SACS: variants seen among roughly 807,000 people sequenced by gnomAD.
The protein encoded by SACS is sacsin molecular chaperone, also known as sacsin.
In SACS, 197 loss-of-function variants were observed where a neutral mutation model predicts 348.0. The observed-to-expected ratio is 0.57, with a 90% CI of 0.50 to 0.64. The LOEUF is 0.64. Ranked by LOEUF, SACS falls within the 30% of genes least tolerant of loss-of-function variation. The pLI is 0.00. For missense variants in SACS, 4,999 were observed against 5,360.8 expected (o/e 0.93, Z 2.11); for synonymous variants, 1,985 against 1,910.6 (o/e 1.04, Z -1.02).
chr13:23,373,797 C>CA (rs35129279), intron 3 of SACS: 96,296 of 121,130 alleles, frequency 0.79, 38,632 homozygotes, highest in East Asian at 0.86. Context: ...CTCCGTCTCA[C>CA]AAAAAAAAAA....
At position 23,334,851 on chromosome 13, in the gene SACS, C is replaced by T. The variant is rs1404298680; in HGVS notation, c.9025G>A (p.Ala3009Thr). The T allele has an allele frequency of 1.9e-6, 3 of 1,613,706 alleles. No homozygotes were observed. The highest frequency in any genetic ancestry group is 2.5e-6 in the Non-Finnish European group (3 of 1,179,862). ...PNIDGSDLHS[A>T]VIITWINMST... ...ATATTGATCCAAGTAATTATAACTG[C>T]AGAGTGCAAGTCAGAGCCATCAATA... The change falls in exon 10 of 10, where the codon GCA (alanine) becomes ACA (threonine). Residue 3009 changes from alanine to threonine, a missense_variant. By Grantham distance (58) the Ala-to-Thr change is moderately conservative. Coordinates refer to ENST00000382292, the MANE Select transcript of SACS (RefSeq NM_014363.6).
In SACS at chr13:23,339,812, T is replaced by C. The variant is rs139012356; in HGVS notation, c.4064A>G (p.Asn1355Ser). Reference sequence around the variant, plus strand: ...GATAATATTCAACATAAGATGAAGATTTTGTTTGCTTTCTTGTTCACTGAG... The same window carrying C: ...GATAATATTCAACATAAGATGAAGACTTTGTTTGCTTTCTTGTTCACTGAG... ...QDLSEQESKQ[N>S]LHLMLNIIRW... Residue 1355 changes from asparagine to serine, a missense_variant, in exon 10 of 10, where the codon AAT becomes AGT. Around this residue, in one of 6 missense-constraint regions of SACS, gnomAD observed 3,156 missense variants for 3,380.1 expected, o/e 0.93. Transcript: ENST00000382292. 5.6e-6 allele frequency: 9 copies of C among 1,613,034 alleles called. No homozygotes were observed. The highest frequency in any genetic ancestry group is 7.6e-6 in the Non-Finnish European group (9 of 1,179,530).
Position 23,332,428 on chromosome 13 carries a change from T to G in SACS, c.11448A>C (p.Glu3816Asp), listed in dbSNP as rs1479118817. 3 of 1,614,008 alleles carry G rather than the reference T, an allele frequency of 1.9e-6. No individual in the cohort carries two copies. The highest frequency in any genetic ancestry group is 2.2e-5 in the South Asian group (2 of 91,076). Reference sequence around the variant, plus strand: ...AATAAGGTTTAAAATCAGATTCATATTCTAGGTTTATGACTACCTCCTCAG... The same window carrying G: ...AATAAGGTTTAAAATCAGATTCATAGTCTAGGTTTATGACTACCTCCTCAG... The part of the protein sequence containing the change: ...LKPEEVVINL[E>D]YESDFKPYLY... The change falls in exon 10 of 10, where the codon GAA (glutamate) becomes GAC (aspartate). Residue 3816 changes from glutamate (E) to aspartate (D), a missense_variant. Transcript: ENST00000382292.
rs1883365992 is a variant in SACS, at chr13:23,330,012, T to C, written c.*124A>G. The C allele has an allele frequency of 2.3e-6, 2 of 887,960 alleles. No individual in the cohort carries two copies. The highest frequency in any genetic ancestry group is 1.5e-5 in the South Asian group (1 of 64,864). The allele number at this position is 887,960 out of a possible 1,614,324, so 55.0% of individuals were successfully genotyped here. ...CATGTTCATAACAACTCCAGAATTCTCCAAGAACAATCTGCAATGTGCTTA... is the reference window on the plus strand; with the variant it reads ...CATGTTCATAACAACTCCAGAATTCCCCAAGAACAATCTGCAATGTGCTTA... On this transcript the variant is annotated 3_prime_UTR_variant, in exon 10 of 10. Transcript: ENST00000382292.
rs115280298 is a variant in SACS at position 23,404,794 on chromosome 13, G to A, written c.20+6426C>T. Among the ~76,000 whole-genome samples the A allele has an allele frequency of 3.7e-4, 57 of 152,178 alleles. No individual in the cohort carries two copies. In the East Asian group the frequency reaches 6.2e-3, roughly 17 times the overall value. On this transcript the variant is annotated intron_variant, in intron 2 of 9. Coordinates refer to ENST00000382292, the MANE Select transcript of SACS (RefSeq NM_014363.6). ...CACCAATAATAGCCAAATCATGAGC[G>A]AACTTTCATTCACAATCGCTACAAA...
At chr13:23,382,083 G>A (rs1033835578) in intron 2 of SACS, among the ~76,000 whole-genome samples, 3 of 152,254 alleles carry the variant, frequency 2.0e-5, no homozygotes, top group East Asian at 3.8e-4. Context: ...GTAGTTGGCA[G>A]GCATCCACCA....
At chr13:23,407,387 G>A (rs1001213959) in intron 2 of SACS, among the ~76,000 whole-genome samples, 5 of 151,988 alleles carry the variant, frequency 3.3e-5, no homozygotes, top group Non-Finnish European at 5.9e-5. Context: ...TTTTAGTAGA[G>A]ACGGGGTTTC....
chr13:23,368,646 T>G (rs1276232935), intron 4 of SACS, among the ~76,000 whole-genome samples, 159 bp from the exon 5 acceptor site: 2 of 152,230 alleles, frequency 1.3e-5, no homozygotes, highest in African/African-American at 4.8e-5. Flanking sequence ...ACGAAGCAAT[T>G]CAGCAGAAAG....
At chr13:23,343,290 T>C (rs557594640) in intron 9 of SACS, among the ~76,000 whole-genome samples, 1 of 152,262 alleles carries the variant, frequency 6.6e-6, no homozygotes, top group African/African-American at 2.4e-5. Flanking sequence ...ACACCATACA[T>C]CTACAGGTAT....
At chr13:23,401,618 G>C (rs1267572313) in intron 2 of SACS, among the ~76,000 whole-genome samples, 2 of 152,180 alleles carry the variant, frequency 1.3e-5, no homozygotes, top group Non-Finnish European at 2.9e-5. Context: ...CTCAAATTTT[G>C]GAGGTTCACA....
At chr13:23,406,875 T>C (rs1350707912) in intron 2 of SACS, among the ~76,000 whole-genome samples, 2 of 152,158 alleles carry the variant, frequency 1.3e-5, no homozygotes, top group East Asian at 3.8e-4. Flanking sequence ...TAGAGAGATA[T>C]TTTATGCTTC....
At chr13:23,391,165 T>C (rs1405926041) in intron 2 of SACS, among the ~76,000 whole-genome samples, 4 of 152,230 alleles carry the variant, frequency 2.6e-5, no homozygotes, top group South Asian at 4.1e-4. Flanking sequence ...TTGTGAATGC[T>C]CCCAGTGATA....
chr13:23,426,533 G>A (rs1281949256), intron 1 of SACS, among the ~76,000 whole-genome samples: 3 of 151,934 alleles, frequency 2.0e-5, no homozygotes, highest in East Asian at 1.9e-4. Flanking sequence ...CCAGCTACTC[G>A]GGAGGCTGAG....
chr13:23,339,347 A>G lies in SACS; in HGVS notation c.4529T>C (p.Leu1510Pro). 6.2e-7 allele frequency: 1 copy of G among 1,613,454 alleles called. No homozygotes were observed. The highest frequency in any genetic ancestry group is 8.5e-7 in the Non-Finnish European group (1 of 1,179,772). Residue 1510 changes from leucine (L) to proline (P), a missense_variant, in exon 10 of 10, where the codon CTA becomes CCA. This residue lies in a region of SACS where 3,156 missense variants were observed against 3,380.1 expected (regional missense o/e 0.93). Transcript: ENST00000382292. Reference protein sequence around the residue: ...RRNMDIRENLLDPGMAACHGP... With the variant: ...RRNMDIRENLPDPGMAACHGP... ...ATGACAAGCTGCCATCCCTGGGTCT[A>G]GGAGATTCTCTCTTATGTCCATATT...
chr13:23,335,832 G>A lies in SACS; in HGVS notation c.8044C>T (p.Leu2682=), dbSNP rs1340571633. The A allele has an allele frequency of 1.2e-6, 2 of 1,613,944 alleles. No homozygotes were observed. The highest frequency in any genetic ancestry group is 1.7e-5 in the Admixed American group (1 of 60,002). Residue 2682 remains leucine, a synonymous_variant, in exon 10 of 10, where the codon CTG becomes TTG. Coordinates refer to ENST00000382292, the MANE Select transcript of SACS (RefSeq NM_014363.6). This position sits in a 1 kb window ranked among gnomAD's most constrained non-coding sequence, Gnocchi z 4.7. ...AAATGGGTTCCCAGATAAAGATCCA[G>A]AACATCTGAGAACTGTGTCCTAAAA... The part of the protein sequence containing the change: ...ADFRTQFSDV[L]DLYLGTHFKL...
In SACS at chr13:23,334,804, T is replaced by C; in HGVS notation, c.9072A>G (p.Arg3024=). ...CCTGTAGTAAATTGTCAAAAAATGG[T>C]CTAGTTTTATTAGAAGTAGACATAT... ...WINMSTSNKT[R]PFFDNLLQDE... is the part of the protein sequence containing the mutation. The change falls in exon 10 of 10, where the codon AGA becomes AGG. Residue 3024 remains arginine (R), a synonymous_variant. Transcript: ENST00000382292. 6.2e-7 allele frequency: 1 copy of C among 1,613,778 alleles called. No homozygotes were observed. The highest frequency in any genetic ancestry group is 8.5e-7 in the Non-Finnish European group (1 of 1,179,796).
intron 7 of SACS, among the ~76,000 whole-genome samples, chr13:23,357,752 GT>G (rs11350450): frequency 0.85 from 128,643 of 152,140 alleles, 54,732 homozygotes; most frequent in East Asian, 1. Flanking sequence ...ATTTCCTATT[GT>G]TAACTAGGAA....
At position 23,335,228 on chromosome 13, in the gene SACS, A is replaced by G. The variant is rs1364582946; in HGVS notation, c.8648T>C (p.Val2883Ala). ...LSLETGLPFH[V>A]NGHFALDSAR... is the part of the protein sequence containing the mutation. ...TGAATCCAGTGCAAAGTGGCCATTC[A>G]CATGAAATGGCAGCCCAGTCTCCAA... is the stretch of plus-strand genomic sequence containing the variant. The change falls in exon 10 of 10, where the codon GTG becomes GCG. Residue 2883 changes from valine (V) to alanine (A), a missense_variant. Transcript: ENST00000382292. The surrounding 1 kb of genome is among the most constrained non-coding windows in gnomAD (Gnocchi z 4.7). 1 of 1,613,956 alleles carries G rather than the reference A, an allele frequency of 6.2e-7. No homozygotes were observed. Among genetic ancestry groups the G allele is most frequent in the Admixed American group, 1.7e-5 (1 of 59,974 alleles).
At position 23,339,461 on chromosome 13, in the gene SACS, G is replaced by A. The variant is rs767838333; in HGVS notation, c.4415C>T (p.Pro1472Leu). Residue 1472 changes from proline to leucine, a missense_variant, in exon 10 of 10, where the codon CCT (proline) becomes CTT (leucine). Transcript: ENST00000382292. ...TTCTTTAAAAATATCTGACACTGAA[G>A]GGTATTCTTCCAGAATATTTTTAAT... Reference protein sequence around the residue: ...VRIKNILEEYPSVSDIFKELL... With the variant: ...VRIKNILEEYLSVSDIFKELL... The A allele has an allele frequency of 1.2e-6, 2 of 1,605,604 alleles. No individual in the cohort carries two copies. The highest frequency in any genetic ancestry group is 1.7e-6 in the Non-Finnish European group (2 of 1,175,674).
Sources: allele counts gnomAD v4.1 joint callset (sites outside exome capture counted in the v4.1 genomes callset), GRCh38; gene constraint gnomAD v4.1.1; regional missense constraint gnomAD v4.1.1; non-coding constraint Gnocchi (gnomAD v3.1); transcripts MANE v1.5; gene names NCBI Gene and HGNC (gene_info 2026-07-23, HGNC 2026-07-21).